The following REXO2 variants were observed in gnomAD, a reference collection of about 807,000 sequenced individuals.
REXO2 encodes the protein oligoribonuclease, mitochondrial.
A neutral mutation model predicts 30.9 loss-of-function variants in REXO2; 17 were observed. That is an observed-to-expected ratio of 0.55 (90% CI 0.38 to 0.82). The LOEUF (loss-of-function observed/expected upper bound fraction) is 0.82, where lower values mean the gene tolerates loss of function less well. Among genes scored for constraint, REXO2 ranks in the 40% least tolerant of loss-of-function variants. REXO2 has a pLI of 0.00. For missense variants in REXO2, 253 were observed against 293.2 expected, an observed-to-expected ratio of 0.86 and a Z score of 1.00; for synonymous variants, 105 against 99.6, an observed-to-expected ratio of 1.05 and a Z score of -0.32.
Position 114,447,891 on chromosome 11 carries a change from T to C in REXO2, c.584+12T>C. 1 of 1,611,548 alleles carries C rather than the reference T, an allele frequency of 6.2e-7. No homozygotes were observed. Among genetic ancestry groups the C allele is most frequent in the Non-Finnish European group, 8.5e-7 (1 of 1,178,448 alleles). On this transcript the variant is annotated intron_variant, in intron 6 of 6. Coordinates refer to ENST00000265881, the MANE Select transcript of REXO2 (RefSeq NM_015523.4). ...GCTGCTTCTCATAGGTAAGTTTGAG[T>C]TCTACCAAGCGTTTTCCAGTCTGAC...
At position 114,449,909 on chromosome 11, in the gene REXO2, GA is replaced by G; in HGVS notation, c.655del (p.Ile219Ter). 6.2e-7 allele frequency: 1 copy of G among 1,608,332 alleles called. No individual in the cohort carries two copies. The highest frequency in any genetic ancestry group is 8.5e-7 in the Non-Finnish European group (1 of 1,177,352). On this transcript the variant is annotated frameshift_variant, in exon 7 of 7. Coordinates refer to ENST00000265881, the MANE Select transcript of REXO2 (RefSeq NM_015523.4). LOFTEE classifies it high-confidence loss of function. Reference sequence around the variant, plus strand: ...AGTTTTACCGAAATAACATCTTCAAGAAAAAAATAGATGAAAAGAAGAGGAA... The same window carrying G: ...AGTTTTACCGAAATAACATCTTCAAGAAAAAATAGATGAAAAGAAGAGGAA... Reference protein sequence around the residue: ...LQFYRNNIFKKKIDEKKRKII... With the variant: ...LQFYRNNIFKXKIDEKKRKII...
At position 114,450,190 on chromosome 11, in the gene REXO2, C is replaced by T; in HGVS notation, c.*215C>T. 5 of 354,054 alleles carry T rather than the reference C, an allele frequency of 1.4e-5. No homozygotes were observed. Among genetic ancestry groups the T allele is most frequent in the Admixed American group, 5.1e-5 (1 of 19,520 alleles). The allele number at this position is 354,054 out of a possible 1,614,324, so 21.9% of individuals were successfully genotyped here. A position where few individuals can be genotyped will look rare whatever the true frequency, so the allele number is the denominator to read the frequency against. On this transcript the variant is annotated 3_prime_UTR_variant, in exon 7 of 7. Coordinates refer to ENST00000265881, the MANE Select transcript of REXO2 (RefSeq NM_015523.4). ...TTGTAAGTACCAGGTCATGTCCATC[C>T]CTTGGTACATATATGCATTTGCTTT...
intron 3 of REXO2, 167 bp downstream of exon 3, chr11:114,444,100 C>G: frequency 1.5e-6 from 1 of 681,734 alleles, no homozygotes; most frequent in Non-Finnish European, 2.7e-6. Flanking sequence ...ATCTTTGGGA[C>G]CTCTCGAGAT....
In REXO2 at chr11:114,444,655, A is replaced by G; in HGVS notation, c.421+3A>G. The stretch of plus-strand genomic sequence containing the variant: ...TCCAGGGCTCTGTCCACTTGCAGGT[A>G]AAATCCAATCCTGTGTATATCTTAT... On this transcript the variant is annotated splice_donor_region_variant and intron_variant, in intron 4 of 6. Transcript: ENST00000265881. 6.4e-7 allele frequency: 1 copy of G among 1,560,758 alleles called. No homozygotes were observed. Among genetic ancestry groups the G allele is most frequent in the Non-Finnish European group, 8.7e-7 (1 of 1,152,344 alleles).
intron 6 of REXO2, among the ~76,000 whole-genome samples, chr11:114,448,720 A>G: frequency 6.6e-6 from 1 of 152,256 alleles, no homozygotes; most frequent in East Asian, 1.9e-4. Flanking sequence ...AATAAAACAC[A>G]TAGGTATTCT....
chr11:114,440,834 G>A, intron 2 of REXO2, 95 bp downstream of exon 2: 1 of 1,005,762 alleles, frequency 9.9e-7, no homozygotes. Flanking sequence ...AAATAAGAAA[G>A]TTGAGGTCTA....
intron 2 of REXO2, among the ~76,000 whole-genome samples, chr11:114,443,408 A>G (rs1946492827): frequency 6.6e-6 from 1 of 151,896 alleles, no homozygotes. Context: ...CTTGGCCTAG[A>G]CACTTTTCAA....
chr11:114,444,602 T>A lies in REXO2; in HGVS notation c.371T>A (p.Phe124Tyr). 1 of 1,611,780 alleles carries A rather than the reference T, an allele frequency of 6.2e-7. No individual in the cohort carries two copies. Among genetic ancestry groups the A allele is most frequent in the Non-Finnish European group, 8.5e-7 (1 of 1,179,236 alleles). Residue 124 changes from phenylalanine (F) to tyrosine (Y), a missense_variant, in exon 4 of 7, where the codon TTT becomes TAT. Coordinates refer to ENST00000265881, the MANE Select transcript of REXO2 (RefSeq NM_015523.4). Reference sequence around the variant, plus strand: ...ACATTGCAGCAGGCAGAGTATGAATTTCTGTCCTTTGTACGACAGCAGACT... The same window carrying A: ...ACATTGCAGCAGGCAGAGTATGAATATCTGTCCTTTGTACGACAGCAGACT... ...TITLQQAEYEFLSFVRQQTPP... is the reference protein window; with the variant it reads ...TITLQQAEYEYLSFVRQQTPP...
rs966303752 is a variant in REXO2, at chr11:114,446,955, T to G, written c.530+868T>G. Among the ~76,000 whole-genome samples, 199 of 138,514 alleles carry G rather than the reference T, an allele frequency of 1.4e-3. No homozygotes were observed. The Middle Eastern group carries it at 0.017, about 12-fold the overall frequency. 90.9% of individuals were successfully genotyped at this position (138,514 alleles called of 152,430 possible). A position where few individuals can be genotyped will look rare whatever the true frequency, so the allele number is the denominator to read the frequency against. ...AGGCTTTTTTTTTTTTTTTTTTTTT[T>G]TGAGACGGAGTCTCGTTCTGTCGCC... is the stretch of plus-strand genomic sequence containing the variant. On this transcript the variant is annotated intron_variant, in intron 5 of 6. Coordinates refer to ENST00000265881, the MANE Select transcript of REXO2 (RefSeq NM_015523.4).
At chr11:114,448,157 C>T (rs1215748980) in intron 6 of REXO2, among the ~76,000 whole-genome samples, 2 of 152,106 alleles carry the variant, frequency 1.3e-5, no homozygotes, top group Non-Finnish European at 2.9e-5. Context: ...AGTAATGAAC[C>T]GTGTTAACTT....
rs886719091 is a variant in REXO2, at chr11:114,439,583, G to C, written c.55G>C (p.Gly19Arg). The stretch of plus-strand genomic sequence containing the variant: ...GTTGCGGGGTGTAGGTGGGAGTCAC[G>C]GACGGTTCGGGGCCCGAGGTGTCCG... Reference protein sequence around the residue: ...RLLRGVGGSHGRFGARGVREG... With the variant: ...RLLRGVGGSHRRFGARGVREG... Residue 19 changes from glycine to arginine, a missense_variant, in exon 1 of 7, where the codon GGA (glycine) becomes CGA (arginine). Gly to Arg is a moderately radical substitution (Grantham distance 125). Transcript: ENST00000265881. 6.2e-7 allele frequency: 1 copy of C among 1,609,152 alleles called. No homozygotes were observed. The highest frequency in any genetic ancestry group is 1.7e-5 in the Admixed American group (1 of 59,880).
chr11:114,447,790 A>G (rs952329826), intron 5 of REXO2, 36 bp from the exon 6 acceptor site: 2 of 1,574,052 alleles, frequency 1.3e-6, no homozygotes, highest in Admixed American at 1.8e-5. Context: ...TATTTGAGAC[A>G]GCTTCCTTTG....
intron 2 of REXO2, among the ~76,000 whole-genome samples, chr11:114,443,626 A>G (rs1946494245): frequency 6.6e-6 from 1 of 152,034 alleles, no homozygotes; most frequent in Admixed American, 6.5e-5. Flanking sequence ...CTTGATAGAT[A>G]TCTGTGTCAT....
chr11:114,440,100 A>G (rs761207863), intron 1 of REXO2: 227 of 469,034 alleles, frequency 4.8e-4, no homozygotes, highest in Admixed American at 4.2e-4. Flanking sequence ...CCCTCATTCC[A>G]TAAGTGAGAA....
At chr11:114,449,390 G>A (rs190276704) in intron 6 of REXO2, among the ~76,000 whole-genome samples, 281 of 151,720 alleles carry the variant, frequency 1.9e-3, no homozygotes, top group Non-Finnish European at 2.8e-3. Flanking sequence ...CTACAAATGT[G>A]GTCGATTAAG....
At position 114,439,538 on chromosome 11, in the gene REXO2, G is replaced by T; in HGVS notation, c.10G>T (p.Gly4Cys). MLG[G>C]SLGSRLLRGV... ...CTGCTGGTCCCGGGTGATGCTAGGC[G>T]GCTCCCTGGGCTCCAGGCTGTTGCG... is the stretch of plus-strand genomic sequence containing the variant. Residue 4 changes from glycine to cysteine, a missense_variant, in exon 1 of 7, where the codon GGC becomes TGC. Gly to Cys is a radical substitution (Grantham distance 159, BLOSUM62 -3). Coordinates refer to ENST00000265881, the MANE Select transcript of REXO2 (RefSeq NM_015523.4). 6.2e-7 allele frequency: 1 copy of T among 1,607,352 alleles called. No individual in the cohort carries two copies.
At chr11:114,444,974 T>A (rs988191252) in intron 4 of REXO2, 1 of 167,902 alleles carries the variant, frequency 6.0e-6, no homozygotes, top group Non-Finnish European at 1.3e-5. Flanking sequence ...TTGTTTTACC[T>A]ATTTTTTGTT....
intron 5 of REXO2, among the ~76,000 whole-genome samples, chr11:114,446,674 T>C (rs932065227): frequency 6.6e-6 from 1 of 152,106 alleles, no homozygotes; most frequent in South Asian, 2.1e-4. Context: ...AGTATAAGAA[T>C]GTGAGGGAGC....
intron 1 of REXO2, chr11:114,440,029 A>C: frequency 2.1e-6 from 1 of 476,770 alleles, no homozygotes. Context: ...CCCCAACTAA[A>C]TCCTTAAAGG....
Sources: gnomAD v4.1 joint callset for allele counts (sites outside exome capture counted in the v4.1 genomes callset) on GRCh38, gnomAD v4.1.1 for gene constraint, MANE v1.5 for transcripts, NCBI Gene and HGNC (gene_info 2026-07-23, HGNC 2026-07-21) for gene names.